Variants in GPC6 observed in about 807,000 individuals in gnomAD.
GPC6 encodes the protein glypican-6.
A neutral mutation model predicts 55.2 loss-of-function variants in GPC6; 14 were observed. That is an observed-to-expected ratio of 0.25 (90% CI 0.17 to 0.40). GPC6 has a LOEUF of 0.40. Ranked by LOEUF, GPC6 falls within the 10% of genes least tolerant of loss-of-function variation. GPC6 has a pLI of 1.00. For missense variants in GPC6, 641 were observed against 708.5 expected (o/e 0.90, Z 1.08); for synonymous variants, 278 against 259.6 (o/e 1.07, Z -0.68).
intron 3 of GPC6, among the ~76,000 whole-genome samples, chr13:93,846,604 G>A (rs1888190312): frequency 6.6e-6 from 1 of 152,164 alleles, no homozygotes; most frequent in Non-Finnish European, 1.5e-5. Context: ...CGTGATGTCA[G>A]GAGTTTGAGA....
chr13:93,308,905 A>T (rs920032414), intron 1 of GPC6, among the ~76,000 whole-genome samples: 1 of 152,206 alleles, frequency 6.6e-6, no homozygotes, highest in Admixed American at 6.5e-5. Flanking sequence ...TCATTGTAGG[A>T]TCATAATTGA....
intron 4 of GPC6, among the ~76,000 whole-genome samples, chr13:94,136,493 G>C (rs1005971884): frequency 6.6e-6 from 1 of 152,132 alleles, no homozygotes; most frequent in Non-Finnish European, 1.5e-5. Context: ...GGCAGATCAC[G>C]AGGTCAGGAG....
chr13:93,603,625 A>G (rs76010292), intron 2 of GPC6, among the ~76,000 whole-genome samples: 6 of 152,200 alleles, frequency 3.9e-5, no homozygotes, highest in Non-Finnish European at 8.8e-5. Context: ...TCACTGCTCT[A>G]TCTCTCAATT....
At chr13:94,197,077 A>T (rs190396738) in intron 4 of GPC6, among the ~76,000 whole-genome samples, 1 of 152,244 alleles carries the variant, frequency 6.6e-6, no homozygotes, top group Admixed American at 6.5e-5. Context: ...GGCCTCATGT[A>T]TGAATCTACA....
At chr13:93,770,495 C>T (rs546549747) in intron 2 of GPC6, among the ~76,000 whole-genome samples, 12 of 152,136 alleles carry the variant, frequency 7.9e-5, no homozygotes, top group Middle Eastern at 3.2e-3. Context: ...TGTGTTATAT[C>T]ATCTTCTTCC....
intron 2 of GPC6, among the ~76,000 whole-genome samples, chr13:93,742,016 T>G (rs568107805): frequency 6.6e-6 from 1 of 152,366 alleles, no homozygotes; most frequent in Admixed American, 6.5e-5. Flanking sequence ...AGAATTGTCT[T>G]GAGAGTTGCT....
chr13:94,275,794 T>C (rs1594122443), intron 4 of GPC6, among the ~76,000 whole-genome samples: 2 of 151,944 alleles, frequency 1.3e-5, no homozygotes, highest in Non-Finnish European at 2.9e-5. Context: ...GACAAAGCAC[T>C]GGAAACAAAT....
chr13:93,461,191 G>C (rs116733729), intron 1 of GPC6, among the ~76,000 whole-genome samples: 2,229 of 152,154 alleles, frequency 0.015, 39 homozygotes, highest in African/African-American at 0.051. Context: ...ACATATAGTA[G>C]TCTACAGCTT....
chr13:94,285,341 G>A (rs1892499780), intron 4 of GPC6, among the ~76,000 whole-genome samples: 1 of 152,258 alleles, frequency 6.6e-6, no homozygotes, highest in South Asian at 2.1e-4. Context: ...GGTTGGGGGA[G>A]ATGAGTTTGA....
chr13:93,754,107 T>C (rs1566518461), intron 2 of GPC6, among the ~76,000 whole-genome samples: 2 of 152,230 alleles, frequency 1.3e-5, no homozygotes, highest in African/African-American at 4.8e-5. Flanking sequence ...TTTAATATTC[T>C]TGTGACAATT....
chr13:93,363,127 TTGTTTTTTTTAA>T (rs1196165752), intron 1 of GPC6, among the ~76,000 whole-genome samples: 2 of 139,236 alleles, frequency 1.4e-5, no homozygotes, highest in African/African-American at 6.6e-5. Context: ...GTTTTTTTTT[TTGTTTTTTTTAA>T]AATTATTATT....
intron 2 of GPC6, among the ~76,000 whole-genome samples, chr13:93,815,282 T>C (rs944668692): frequency 1.3e-5 from 2 of 152,206 alleles, no homozygotes; most frequent in Non-Finnish European, 2.9e-5. Flanking sequence ...ATAATTATTT[T>C]TGAAAATTAC....
intron 1 of GPC6, among the ~76,000 whole-genome samples, chr13:93,540,389 A>G (rs1360275544): frequency 1.3e-5 from 2 of 152,158 alleles, no homozygotes; most frequent in African/African-American, 2.4e-5. Flanking sequence ...TTTCTCTGAA[A>G]TCCTAATCCT....
intron 4 of GPC6, among the ~76,000 whole-genome samples, chr13:94,118,169 G>A (rs142404506): frequency 2.7e-3 from 415 of 152,120 alleles, no homozygotes; most frequent in African/African-American, 9.8e-3. Flanking sequence ...TAATCCCCAA[G>A]TGTCATAGGA....
chr13:93,905,515 G>A (rs1876617419), intron 3 of GPC6, among the ~76,000 whole-genome samples: 2 of 152,148 alleles, frequency 1.3e-5, no homozygotes, highest in Admixed American at 1.3e-4. Context: ...TTTCTAAATA[G>A]GAATGGGTAT....
chr13:93,981,292 A>G, intron 3 of GPC6, among the ~76,000 whole-genome samples: 1 of 152,200 alleles, frequency 6.6e-6, no homozygotes. Context: ...CAAGAACTTA[A>G]GAAATTTCAA....
intron 4 of GPC6, among the ~76,000 whole-genome samples, chr13:94,126,601 G>A (rs1234716157): frequency 2.0e-5 from 3 of 152,030 alleles, no homozygotes; most frequent in Admixed American, 2.0e-4. Flanking sequence ...ATGCATCCTA[G>A]GCATTTAATG....
intron 2 of GPC6, among the ~76,000 whole-genome samples, chr13:93,627,011 T>A (rs901271138): frequency 1.3e-5 from 2 of 152,016 alleles, no homozygotes; most frequent in Non-Finnish European, 2.9e-5. Flanking sequence ...ACACTTTTTT[T>A]ATTATTATTA....
At chr13:93,944,360 T>C (rs1378911335) in intron 3 of GPC6, among the ~76,000 whole-genome samples, 2 of 151,932 alleles carry the variant, frequency 1.3e-5, no homozygotes, top group Non-Finnish European at 2.9e-5. Flanking sequence ...CCCGCCACCA[T>C]GCCTAGCTAA....
Sources: allele counts gnomAD v4.1 joint callset (sites outside exome capture counted in the v4.1 genomes callset), GRCh38; gene constraint gnomAD v4.1.1; transcripts MANE v1.5; gene names NCBI Gene and HGNC (gene_info 2026-07-23, HGNC 2026-07-21).